Variants in KCNIP4 observed in about 807,000 individuals in gnomAD.
KCNIP4 encodes the protein Kv channel-interacting protein 4.
In KCNIP4, 12 loss-of-function variants were observed where a neutral mutation model predicts 34.0. The ratio of observed to expected loss-of-function variants is 0.35; its 90% CI spans 0.23 to 0.57. KCNIP4 has a LOEUF of 0.57. Ranked by LOEUF, KCNIP4 falls within the 20% of genes least tolerant of loss-of-function variation. KCNIP4 has a pLI of 0.83. For synonymous variants in KCNIP4, 124 were observed against 102.2 expected, an observed-to-expected ratio of 1.21 and a Z score of -1.29; for missense variants, 238 against 311.7, an observed-to-expected ratio of 0.76 and a Z score of 1.78.
intron 1 of KCNIP4, among the ~76,000 whole-genome samples, chr4:21,702,221 T>G (rs1281803184): frequency 2.6e-5 from 4 of 152,046 alleles, no homozygotes; most frequent in African/African-American, 9.7e-5. Context: ...CTTTCTACCT[T>G]GGAGAGTGCT....
chr4:21,858,219 G>A (rs1470392300), intron 1 of KCNIP4, among the ~76,000 whole-genome samples: 2 of 152,228 alleles, frequency 1.3e-5, no homozygotes, highest in African/African-American at 2.4e-5. Context: ...CAAAACTCAG[G>A]CAAAGGCGCC....
intron 1 of KCNIP4, among the ~76,000 whole-genome samples, chr4:21,467,992 C>T (rs1030727183): frequency 3.4e-5 from 5 of 148,970 alleles, no homozygotes; most frequent in African/African-American, 1.2e-4. Context: ...GGAAAGCTGG[C>T]ACTGATGGGA....
At chr4:21,422,845 G>A (rs1725599411) in intron 1 of KCNIP4, among the ~76,000 whole-genome samples, 1 of 152,158 alleles carries the variant, frequency 6.6e-6, no homozygotes, top group Non-Finnish European at 1.5e-5. Context: ...ATGGCATGGA[G>A]AAAGCAGGTA....
intron 1 of KCNIP4, among the ~76,000 whole-genome samples, chr4:21,914,638 G>T (rs1047106803): frequency 6.6e-6 from 1 of 152,034 alleles, no homozygotes; most frequent in Non-Finnish European, 1.5e-5. Flanking sequence ...ATCCTAGGCC[G>T]ATCTTGATTA....
intron 5 of KCNIP4, among the ~76,000 whole-genome samples, chr4:20,743,222 C>T (rs2149312686): frequency 6.6e-6 from 1 of 152,218 alleles, no homozygotes; most frequent in South Asian, 2.1e-4. Context: ...TCAGTGCCAT[C>T]CCCATCAAGC....
chr4:20,756,743 T>A (rs1754502589), intron 4 of KCNIP4, among the ~76,000 whole-genome samples: 1 of 152,006 alleles, frequency 6.6e-6, no homozygotes, highest in Non-Finnish European at 1.5e-5. Context: ...GACCTTCTGA[T>A]CCTTACCTTA....
chr4:21,579,794 T>G (rs7657482), intron 1 of KCNIP4, among the ~76,000 whole-genome samples: 9,925 of 152,252 alleles, frequency 0.065, 474 homozygotes, highest in African/African-American at 0.13. Flanking sequence ...AGATAAAAAC[T>G]TTATTTAACT....
At chr4:21,553,813 C>A (rs1388183231) in intron 1 of KCNIP4, among the ~76,000 whole-genome samples, 3 of 152,072 alleles carry the variant, frequency 2.0e-5, no homozygotes, top group Non-Finnish European at 4.4e-5. Context: ...TCCACCTTTC[C>A]CTTCTTTAAT....
At chr4:21,093,731 T>C (rs1018906374) in intron 1 of KCNIP4, among the ~76,000 whole-genome samples, 2 of 151,942 alleles carry the variant, frequency 1.3e-5, no homozygotes, top group Admixed American at 1.3e-4. Flanking sequence ...AATTAGAAAA[T>C]AGAGACCAGT....
intron 1 of KCNIP4, among the ~76,000 whole-genome samples, chr4:21,014,282 GTCTTGAATTC>G (rs1321260629): frequency 5.9e-5 from 9 of 152,144 alleles, no homozygotes; most frequent in African/African-American, 2.2e-4. Context: ...CTTAGGAGGT[GTCTTGAATTC>G]TCCTTTCCCC....
At chr4:21,436,316 G>A (rs1726941147) in intron 1 of KCNIP4, among the ~76,000 whole-genome samples, 1 of 152,182 alleles carries the variant, frequency 6.6e-6, no homozygotes, top group African/African-American at 2.4e-5. Flanking sequence ...CTGAATGAAG[G>A]CACAGGAATG....
At chr4:20,848,715 A>C (rs992983359) in intron 3 of KCNIP4, among the ~76,000 whole-genome samples, 1 of 152,172 alleles carries the variant, frequency 6.6e-6, no homozygotes, top group Non-Finnish European at 1.5e-5. Context: ...ACATAGCAGC[A>C]GTCGAGGAAT....
chr4:20,931,887 G>A (rs11946297), intron 1 of KCNIP4, among the ~76,000 whole-genome samples: 1 of 147,120 alleles, frequency 6.8e-6, no homozygotes, highest in Non-Finnish European at 1.5e-5. Flanking sequence ...TAGTCTATAA[G>A]AGTCTAATAT....
chr4:21,265,753 G>T (rs1761764570), intron 1 of KCNIP4, among the ~76,000 whole-genome samples: 1 of 152,144 alleles, frequency 6.6e-6, no homozygotes, highest in Admixed American at 6.5e-5. Flanking sequence ...CCTATTTGAT[G>T]GGTGGAAGGA....
chr4:21,234,417 CTA>C (rs1491118257), intron 1 of KCNIP4, among the ~76,000 whole-genome samples: 58 of 125,182 alleles, frequency 4.6e-4, no homozygotes, highest in Non-Finnish European at 6.9e-4. Context: ...ATAACATATA[CTA>C]TATATATTAC....
chr4:21,774,980 T>C (rs758778311), intron 1 of KCNIP4, among the ~76,000 whole-genome samples: 4 of 152,214 alleles, frequency 2.6e-5, no homozygotes, highest in African/African-American at 4.8e-5. Flanking sequence ...TCTAGTTCTG[T>C]GTCCTTGATG....
At chr4:21,875,772 T>C (rs1333603500) in intron 1 of KCNIP4, among the ~76,000 whole-genome samples, 1 of 152,222 alleles carries the variant, frequency 6.6e-6, no homozygotes. Flanking sequence ...CACACAGGCC[T>C]GATTTCATTA....
At chr4:21,203,592 T>C (rs1756643454) in intron 1 of KCNIP4, among the ~76,000 whole-genome samples, 1 of 152,204 alleles carries the variant, frequency 6.6e-6, no homozygotes, top group African/African-American at 2.4e-5. Context: ...CCACTAGAGC[T>C]CTGCCTCTGA....
At chr4:21,416,271 AAG>A (rs764798267) in intron 1 of KCNIP4, among the ~76,000 whole-genome samples, 66 of 152,208 alleles carry the variant, frequency 4.3e-4, no homozygotes, top group Non-Finnish European at 7.3e-4. Context: ...GGAATACACA[AAG>A]AGTTTCAAAT....
Sources: gnomAD v4.1 joint callset for allele counts (sites outside exome capture counted in the v4.1 genomes callset) on GRCh38, gnomAD v4.1.1 for gene constraint, MANE v1.5 for transcripts, NCBI Gene and HGNC (gene_info 2026-07-23, HGNC 2026-07-21) for gene names.